The following LRTM1 variants were observed in gnomAD, a reference collection of about 807,000 sequenced individuals.
The protein encoded by LRTM1 is leucine-rich repeat and transmembrane domain-containing protein 1.
A neutral mutation model predicts 32.4 loss-of-function variants in LRTM1; 38 were observed. The observed-to-expected ratio is 1.17, with a 90% CI of 0.91 to 1.54. The LOEUF (loss-of-function observed/expected upper bound fraction) is 1.54, where lower values mean the gene tolerates loss of function less well. Among genes scored for constraint, LRTM1 ranks in the 40% most tolerant of loss-of-function variants. The pLI is 0.00. For missense variants in LRTM1, 466 were observed against 415.4 expected, an observed-to-expected ratio of 1.12 and a Z score of -1.06; for synonymous variants, 186 against 169.9, an observed-to-expected ratio of 1.09 and a Z score of -0.74.
Position 54,960,059 on chromosome 3 carries a change from G to A in LRTM1, c.-222+6869C>T, listed in dbSNP as rs568803766. On this transcript the variant is annotated intron_variant, in intron 1 of 2. Coordinates refer to the LRTM1 transcript ENST00000493075. The stretch of plus-strand genomic sequence containing the variant: ...CTACTTTACCAAAGGTGACAGTTCC[G>A]AGAAGCTCTGACAGGACAAAAAAAA... 6.1e-5 allele frequency among the ~76,000 whole-genome samples: 9 copies of A among 146,454 alleles called. No homozygotes were observed. The East Asian group carries it at 7.9e-4, about 13-fold the overall frequency.
chr3:54,926,135 T>C (rs1701008140), intron 1 of LRTM1, among the ~76,000 whole-genome samples: 1 of 152,154 alleles, frequency 6.6e-6, no homozygotes, highest in Non-Finnish European at 1.5e-5. Flanking sequence ...CTCACACCAT[T>C]ACTGATGTAT....
At chr3:54,929,733 A>G (rs9835789), upstream of LRTM1, among the ~76,000 whole-genome samples, 2,358 of 152,108 alleles carry the variant, frequency 0.016, 68 homozygotes, top group African/African-American at 0.054. Context: ...GAACTCAATG[A>G]TTTCTTCCCT....
chr3:54,933,078 TTCCTTCCTTCCTTCCTTC>T (rs1701240119), intron 1 of LRTM1, among the ~76,000 whole-genome samples: 1 of 138,508 alleles, frequency 7.2e-6, no homozygotes, highest in Non-Finnish European at 1.5e-5. Context: ...CCTTCCTTCC[TTCCTTCCTTCCTTCCTTC>T]CTTCCTTCCT....
intron 2 of LRTM1, among the ~76,000 whole-genome samples, chr3:54,923,484 T>A (rs1700912502): frequency 6.6e-6 from 1 of 152,142 alleles, no homozygotes; most frequent in Non-Finnish European, 1.5e-5. Context: ...GAGACCCACA[T>A]TCTATCACTC....
chr3:54,920,474 C>A (rs1445407372), intron 2 of LRTM1, among the ~76,000 whole-genome samples: 1 of 152,110 alleles, frequency 6.6e-6, no homozygotes, highest in East Asian at 1.9e-4. Flanking sequence ...CAGTCCTCAC[C>A]CTAAAGCAGA....
chr3:54,964,583 G>A (rs769587900), intron 1 of LRTM1, among the ~76,000 whole-genome samples: 3 of 152,146 alleles, frequency 2.0e-5, no homozygotes, highest in Admixed American at 2.0e-4. Context: ...TTCCATTTAG[G>A]TTATGTGGGG....
chr3:54,936,038 C>G (rs976375737), intron 1 of LRTM1, among the ~76,000 whole-genome samples: 1 of 152,126 alleles, frequency 6.6e-6, no homozygotes, highest in Non-Finnish European at 1.5e-5. Context: ...CCAACATTTA[C>G]TGGCTGTGTG....
intron 2 of LRTM1, among the ~76,000 whole-genome samples, chr3:54,920,355 T>A (rs1409051166): frequency 7.2e-5 from 11 of 152,190 alleles, no homozygotes; most frequent in Non-Finnish European, 2.9e-5. Flanking sequence ...TGAGTGGCAG[T>A]GGCAAAATTC....
chr3:54,926,863 A>G (rs997219764), intron 1 of LRTM1, among the ~76,000 whole-genome samples: 2 of 152,214 alleles, frequency 1.3e-5, no homozygotes, highest in African/African-American at 4.8e-5. Flanking sequence ...GGGTCTCTGG[A>G]ATCCAGAGAA....
At chr3:54,947,516 A>G (rs1701645089) in intron 1 of LRTM1, among the ~76,000 whole-genome samples, 1 of 152,068 alleles carries the variant, frequency 6.6e-6, no homozygotes, top group Admixed American at 6.5e-5. Flanking sequence ...GAGAACCTAT[A>G]CTGTTGAGTC....
chr3:54,957,899 C>T (rs556759710), intron 1 of LRTM1, among the ~76,000 whole-genome samples: 2 of 152,206 alleles, frequency 1.3e-5, no homozygotes, highest in Non-Finnish European at 2.9e-5. Flanking sequence ...TCCTTCCCTC[C>T]CCTGCTGAGA....
At chr3:54,949,361 G>A (rs1701697691) in intron 1 of LRTM1, among the ~76,000 whole-genome samples, 1 of 152,154 alleles carries the variant, frequency 6.6e-6, no homozygotes, top group African/African-American at 2.4e-5. Flanking sequence ...TGAAAAAAGG[G>A]GACATGCCTG....
At chr3:54,960,442 C>CT (rs1392132357) in intron 1 of LRTM1, among the ~76,000 whole-genome samples, 5 of 152,316 alleles carry the variant, frequency 3.3e-5, no homozygotes, top group African/African-American at 9.6e-5. Context: ...TATTTCTTCA[C>CT]TTGCACTAGG....
chr3:54,920,255 TTAC>T (rs1700802356), intron 2 of LRTM1, among the ~76,000 whole-genome samples: 1 of 152,214 alleles, frequency 6.6e-6, no homozygotes, highest in Non-Finnish European at 1.5e-5. Context: ...CTCTCTAAGC[TTAC>T]TACAAGATAA....
At chr3:54,923,943 C>T (rs1700933983) in intron 2 of LRTM1, among the ~76,000 whole-genome samples, 1 of 152,210 alleles carries the variant, frequency 6.6e-6, no homozygotes, top group Non-Finnish European at 1.5e-5. Flanking sequence ...AATGAATGGG[C>T]ATGGCTGTGT....
chr3:54,942,412 C>T (rs757822173), intron 1 of LRTM1, among the ~76,000 whole-genome samples: 1 of 152,168 alleles, frequency 6.6e-6, no homozygotes, highest in Non-Finnish European at 1.5e-5. Flanking sequence ...GATTTGGGCA[C>T]AGGGAGAAAT....
intron 1 of LRTM1, 123 bp from the exon 2 acceptor site, chr3:54,925,338 A>C (rs1700984620): frequency 2.6e-6 from 2 of 759,076 alleles, no homozygotes; most frequent in Non-Finnish European, 2.1e-6. Context: ...TACAACCTGC[A>C]AGAGAGGTTC....
chr3:54,947,615 A>G (rs1701647612), intron 1 of LRTM1, among the ~76,000 whole-genome samples: 1 of 152,162 alleles, frequency 6.6e-6, no homozygotes, highest in Admixed American at 6.5e-5. Flanking sequence ...TGATTATAGT[A>G]TGGAGATAGT....
chr3:54,919,935 G>A (rs957647326), intron 2 of LRTM1, among the ~76,000 whole-genome samples: 1 of 152,142 alleles, frequency 6.6e-6, no homozygotes, highest in African/African-American at 2.4e-5. Flanking sequence ...CCTCTCAGGA[G>A]CGTTGTGAGG....
Sources: allele counts gnomAD v4.1 joint callset (sites outside exome capture counted in the v4.1 genomes callset), GRCh38; gene constraint gnomAD v4.1.1; transcripts MANE v1.5; gene names NCBI Gene and HGNC (gene_info 2026-07-23, HGNC 2026-07-21).